Variants in ALPK1 observed in about 807,000 individuals in gnomAD.
The protein encoded by ALPK1 is alpha-protein kinase 1.
Under a neutral mutation model 120.6 loss-of-function variants are expected in ALPK1, and 110 were observed. That is an observed-to-expected ratio of 0.91 (90% CI 0.78 to 1.07). The LOEUF is 1.07. Among genes scored for constraint, ALPK1 ranks in the 50% least tolerant of loss-of-function variants. The pLI, the probability that ALPK1 is intolerant of heterozygous loss-of-function variation, is 0.00. For synonymous variants in ALPK1, 582 were observed against 560.3 expected (o/e 1.04, Z -0.55); for missense variants, 1,498 against 1,483.9 (o/e 1.01, Z -0.16).
chr4:112,382,832 C>A, intron 4 of ALPK1: 2 of 344,268 alleles, frequency 5.8e-6, no homozygotes, highest in Non-Finnish European at 1.1e-5. Flanking sequence ...CTTGGTGGGC[C>A]AAAGAAGCAG....
chr4:112,335,335 A>G lies in ALPK1; in HGVS notation c.-101+19483A>G, dbSNP rs373204656. On this transcript the variant is annotated intron_variant, in intron 2 of 15. Transcript: ENST00000650871. ...CATTTGCTTTTGGGCACTTATTGTG[A>G]TTCTAATCATTGAGCTGTAGTCTTT... 4.0e-5 allele frequency among the ~76,000 whole-genome samples: 6 copies of G among 151,746 alleles called. No homozygotes were observed. The South Asian group carries it at 8.3e-4, about 21-fold the overall frequency.
intron 4 of ALPK1, among the ~76,000 whole-genome samples, chr4:112,389,747 G>A: frequency 6.6e-6 from 1 of 152,150 alleles, no homozygotes; most frequent in East Asian, 1.9e-4. Context: ...GTGCTTCTTG[G>A]ATGTCTTACA....
chr4:112,333,430 A>G (rs1301987378), intron 2 of ALPK1, among the ~76,000 whole-genome samples: 3 of 152,214 alleles, frequency 2.0e-5, no homozygotes, highest in African/African-American at 7.2e-5. Context: ...GGGTTGAGTG[A>G]GCAGATCACC....
intron 2 of ALPK1, among the ~76,000 whole-genome samples, chr4:112,323,420 A>G (rs1307808912): frequency 6.6e-6 from 1 of 152,186 alleles, no homozygotes; most frequent in Non-Finnish European, 1.5e-5. Context: ...CTAAAATTCC[A>G]GAACTATGTC....
rs1021085232 is a variant in ALPK1 at position 112,431,520 on chromosome 4, T to G, written c.1973T>G (p.Leu658Trp). Residue 658 changes from leucine to tryptophan, a missense_variant, in exon 11 of 16, where the codon TTG (leucine) becomes TGG (tryptophan). Physicochemically the swap from Leu to Trp is moderately conservative, Grantham distance 61. Transcript: ENST00000650871. ...CTTCAGGAACCCAACAATGACAATT[T>G]GGAGCCTTCTCAAAATCAGCCACAG... is the stretch of plus-strand genomic sequence containing the variant. ...LSLQEPNNDNLEPSQNQPQQQ... is the reference protein window; with the variant it reads ...LSLQEPNNDNWEPSQNQPQQQ... The G allele has an allele frequency of 3.7e-6, 6 of 1,614,216 alleles. No homozygotes were observed. Among genetic ancestry groups the G allele is most frequent in the Non-Finnish European group, 4.2e-6 (5 of 1,180,044 alleles).
At chr4:112,325,058 A>G (rs1332968719) in intron 2 of ALPK1, among the ~76,000 whole-genome samples, 1 of 152,194 alleles carries the variant, frequency 6.6e-6, no homozygotes, top group East Asian at 1.9e-4. Flanking sequence ...TCAGAAGAAT[A>G]ACAAAAGCTA....
intron 3 of ALPK1, among the ~76,000 whole-genome samples, chr4:112,378,466 CT>C (rs987945730): frequency 2.0e-5 from 3 of 152,090 alleles, no homozygotes; most frequent in African/African-American, 7.2e-5. Context: ...TCATTTTGTT[CT>C]TTGTGCCATT....
At chr4:112,403,461 A>G (rs781121326) in intron 4 of ALPK1, among the ~76,000 whole-genome samples, 1 of 152,182 alleles carries the variant, frequency 6.6e-6, no homozygotes, top group African/African-American at 2.4e-5. Context: ...TCCTGAGTTG[A>G]CTTCTCTGCA....
intron 12 of ALPK1, among the ~76,000 whole-genome samples, chr4:112,437,625 C>G (rs1734844753): frequency 6.6e-6 from 1 of 152,206 alleles, no homozygotes; most frequent in African/African-American, 2.4e-5. Flanking sequence ...ACAACAACTG[C>G]TCCTCTGCAG....
intron 2 of ALPK1, among the ~76,000 whole-genome samples, chr4:112,353,187 G>C (rs1578490931): frequency 6.6e-6 from 1 of 151,858 alleles, no homozygotes; most frequent in East Asian, 1.9e-4. Context: ...TGTTATTCAG[G>C]CTGATCTTGA....
intron 2 of ALPK1, among the ~76,000 whole-genome samples, chr4:112,341,207 C>A (rs1729849442): frequency 6.6e-6 from 1 of 152,160 alleles, no homozygotes; most frequent in African/African-American, 2.4e-5. Flanking sequence ...AAAGCGTGTT[C>A]TTTCCAGTCC....
chr4:112,347,343 C>G (rs1044420631), intron 2 of ALPK1, among the ~76,000 whole-genome samples: 2 of 152,214 alleles, frequency 1.3e-5, no homozygotes, highest in Non-Finnish European at 2.9e-5. Flanking sequence ...TGAACTTTGA[C>G]AAATCACTGA....
chr4:112,301,594 C>T (rs537709706), intron 1 of ALPK1, among the ~76,000 whole-genome samples: 1 of 152,280 alleles, frequency 6.6e-6, no homozygotes, highest in South Asian at 2.1e-4. Flanking sequence ...AAAGTGACCT[C>T]TGATCACCTT....
Position 112,429,133 on chromosome 4 carries a change from T to C in ALPK1, c.796-16T>C, listed in dbSNP as rs1386646151. On this transcript the variant is annotated splice_polypyrimidine_tract_variant and intron_variant, in intron 9 of 15. Coordinates refer to ENST00000650871, the MANE Select transcript of ALPK1 (RefSeq NM_025144.4). Reference sequence around the variant, plus strand: ...TTAATTATCACCATTCCACTTAGCCTCCTGTTTTCTCACAGAGCCTGCTGA... The same window carrying C: ...TTAATTATCACCATTCCACTTAGCCCCCTGTTTTCTCACAGAGCCTGCTGA... 6.2e-7 allele frequency: 1 copy of C among 1,607,528 alleles called. No individual in the cohort carries two copies. The highest frequency in any genetic ancestry group is 2.2e-5 in the East Asian group (1 of 44,860).
At chr4:112,349,877 C>G (rs955321924) in intron 2 of ALPK1, among the ~76,000 whole-genome samples, 3 of 152,100 alleles carry the variant, frequency 2.0e-5, no homozygotes, top group African/African-American at 7.2e-5. Context: ...TAAAAAAACT[C>G]TTAAGCTTTT....
intron 2 of ALPK1, chr4:112,352,872 T>C (rs897932819): frequency 6.6e-6 from 1 of 152,060 alleles, no homozygotes; most frequent in African/African-American, 2.4e-5. Context: ...TGAATGTACT[T>C]CAATTTCCTT....
chr4:112,349,704 C>A (rs1730263752), intron 2 of ALPK1, among the ~76,000 whole-genome samples: 1 of 152,048 alleles, frequency 6.6e-6, no homozygotes, highest in Admixed American at 6.5e-5. Context: ...CAGGCGTGTA[C>A]CACCACGCCT....
In ALPK1 at chr4:112,349,555, C is replaced by CCCG. The variant is rs568997521; in HGVS notation, c.-100-28121_-100-28120insGCC. ...ATTATTACCGCCCCAACCCCTGCCC[C>CCCG]CCCCCGCTTTATTTTTGAGACAGAG... is the stretch of plus-strand genomic sequence containing the variant. On this transcript the variant is annotated intron_variant, in intron 2 of 15. Transcript: ENST00000650871. Among the ~76,000 whole-genome samples, 68 of 142,676 alleles carry CCCG rather than the reference C, an allele frequency of 4.8e-4. 1 individual carries two copies. Among genetic ancestry groups the CCCG allele is most frequent in the African/African-American group, 1.7e-3 (62 of 37,298 alleles). 93.6% of individuals were successfully genotyped at this position (142,676 alleles called of 152,430 possible).
rs148620973 is a variant in ALPK1 at position 112,301,693 on chromosome 4, C to T, written c.-153+4224C>T. Among the ~76,000 whole-genome samples the T allele has an allele frequency of 4.5e-4, 69 of 152,298 alleles. 1 individual carries two copies. Among genetic ancestry groups the T allele is most frequent in the African/African-American group, 1.5e-3 (64 of 41,562 alleles). On this transcript the variant is annotated intron_variant, in intron 1 of 15. Transcript: ENST00000650871. ...GAGAAATCCTCTGGGGCATTTGATA[C>T]ATGGGATACAGAAGATACCGTATAT... is the stretch of plus-strand genomic sequence containing the variant.
Sources: allele counts gnomAD v4.1 joint callset (sites outside exome capture counted in the v4.1 genomes callset), GRCh38; gene constraint gnomAD v4.1.1; transcripts MANE v1.5; gene names NCBI Gene and HGNC (gene_info 2026-07-23, HGNC 2026-07-21).